ECT2L: variants seen among roughly 807,000 people sequenced by gnomAD.
ECT2L encodes the protein epithelial cell-transforming sequence 2 oncogene-like.
A neutral mutation model predicts 122.8 loss-of-function variants in ECT2L; 126 were observed. That is an observed-to-expected ratio of 1.03 (90% CI 0.89 to 1.19). The LOEUF is 1.19. Ranked by LOEUF, ECT2L falls within the 50% of genes most tolerant of loss-of-function variation. ECT2L has a pLI of 0.00. For synonymous variants in ECT2L, 385 were observed against 381.8 expected (o/e 1.01, Z -0.10); for missense variants, 1,012 against 1,064.1 (o/e 0.95, Z 0.68).
intron 9 of ECT2L, among the ~76,000 whole-genome samples, chr6:138,851,856 A>T (rs1374060383): frequency 6.6e-6 from 1 of 152,240 alleles, no homozygotes; most frequent in African/African-American, 2.4e-5. Flanking sequence ...AAATACCAAG[A>T]TCTATAAATT....
intron 7 of ECT2L, 41 bp from the exon 8 acceptor site, chr6:138,846,498 A>G: frequency 6.5e-7 from 1 of 1,540,280 alleles, no homozygotes; most frequent in Non-Finnish European, 8.7e-7. Context: ...ACTCAAGGTA[A>G]GAGAAAATGA....
At chr6:138,895,825 G>A (rs73559447) in intron 20 of ECT2L, among the ~76,000 whole-genome samples, 13,392 of 152,090 alleles carry the variant, frequency 0.088, 1,231 homozygotes, top group African/African-American at 0.23. Context: ...CACCCATCCT[G>A]GCCATGTGTG....
Position 138,822,712 on chromosome 6 carries a change from G to A in ECT2L, c.179+8109G>A, listed in dbSNP as rs796985091. On this transcript the variant is annotated intron_variant, in intron 4 of 21. Transcript: ENST00000541398. The stretch of plus-strand genomic sequence containing the variant: ...TCCCAGCGTGAGCGACGCAGAAGAC[G>A]GGTGATTTCTGCATTTCCATCTGAG... 41 of 1,555,556 alleles carry A rather than the reference G, an allele frequency of 2.6e-5. No homozygotes were observed. In the African/African-American group the frequency reaches 4.0e-4, roughly 15 times the overall value.
chr6:138,824,439 T>C (rs1197700915), intron 4 of ECT2L, among the ~76,000 whole-genome samples: 12 of 150,474 alleles, frequency 8.0e-5, no homozygotes, highest in Admixed American at 6.6e-4. Flanking sequence ...TGCATAATTT[T>C]AGTACTTGAA....
intron 14 of ECT2L, among the ~76,000 whole-genome samples, chr6:138,878,306 T>TATACACAC (rs139026623): frequency 0.03 from 4,530 of 150,256 alleles, 210 homozygotes; most frequent in African/African-American, 0.1. Context: ...CATATATATA[T>TATACACAC]ACACACACAC....
rs754609467 is a variant in ECT2L, at chr6:138,876,489, A to G, written c.1596A>G (p.Glu532=). Residue 532 remains glutamate, a synonymous_variant, in exon 14 of 22, where the codon GAA becomes GAG. Coordinates refer to ENST00000541398, the MANE Select transcript of ECT2L (RefSeq NM_001077706.3). The stretch of plus-strand genomic sequence containing the variant: ...ATCTTCAGGAAAGAAATGTTGTAGA[A>G]GACAATTCTTGGGACACAAAGTCCA... ...SKEDSERNVV[E]DNSWDTKSRL... is the part of the protein sequence containing the mutation. 1 of 1,611,796 alleles carries G rather than the reference A, an allele frequency of 6.2e-7. No individual in the cohort carries two copies. The highest frequency in any genetic ancestry group is 1.7e-5 in the Admixed American group (1 of 59,830).
intron 20 of ECT2L, among the ~76,000 whole-genome samples, chr6:138,900,629 C>T (rs17068003): frequency 0.056 from 8,464 of 152,242 alleles, 303 homozygotes; most frequent in Non-Finnish European, 0.078. Flanking sequence ...AACACAGATA[C>T]AAAGTAATTC....
intron 13 of ECT2L, among the ~76,000 whole-genome samples, chr6:138,869,799 C>G (rs1778183493): frequency 6.6e-6 from 1 of 152,222 alleles, no homozygotes; most frequent in Non-Finnish European, 1.5e-5. Flanking sequence ...ACTGCAGCCT[C>G]TCTCCCAGGC....
intron 14 of ECT2L, among the ~76,000 whole-genome samples, chr6:138,880,448 C>A (rs1052614180): frequency 6.6e-6 from 1 of 152,168 alleles, no homozygotes; most frequent in African/African-American, 2.4e-5. Context: ...ATTGGCTACA[C>A]CTGAATTTTG....
At chr6:138,873,415 G>T (rs946972724) in intron 13 of ECT2L, among the ~76,000 whole-genome samples, 3 of 152,114 alleles carry the variant, frequency 2.0e-5, no homozygotes, top group African/African-American at 7.2e-5. Flanking sequence ...TTACATTAGG[G>T]TTTATTTTTA....
At position 138,882,828 on chromosome 6, in the gene ECT2L, A is replaced by T. The variant is rs562537216; in HGVS notation, c.1985A>T (p.Asn662Ile). The change falls in exon 16 of 22, where the codon AAT becomes ATT. Residue 662 changes from asparagine to isoleucine, a missense_variant. Physicochemically the swap from Asn to Ile is moderately radical, Grantham distance 149. Transcript: ENST00000541398. ...GGAAGCCAGTTAAACACATATACCA[A>T]TTTCTTCAACAATTACCCTGTCATT... ...KFGSQLNTYT[N>I]FFNNYPVILK... 1.2e-6 allele frequency: 2 copies of T among 1,614,192 alleles called. No individual in the cohort carries two copies. The highest frequency in any genetic ancestry group is 2.2e-5 in the South Asian group (2 of 91,084).
chr6:138,818,277 T>C (rs1056540827), intron 4 of ECT2L, among the ~76,000 whole-genome samples: 8 of 152,138 alleles, frequency 5.3e-5, no homozygotes, highest in African/African-American at 1.9e-4. Flanking sequence ...AGAGCAGACT[T>C]GAAATGGGGT....
Position 138,811,736 on chromosome 6 carries a change from G to A in ECT2L, c.-243-1102G>A, listed in dbSNP as rs1437297504. 5.9e-5 allele frequency among the ~76,000 whole-genome samples: 9 copies of A among 152,154 alleles called. No individual in the cohort carries two copies. The East Asian group carries it at 1.3e-3, about 23-fold the overall frequency. ...TGATGGATGTCAGTGATGGAGTGCA[G>A]TGGCGCGATCATGGCTCACTACAAC... On this transcript the variant is annotated intron_variant, in intron 1 of 21. Transcript: ENST00000541398.
chr6:138,822,326 G>A (rs1024568696), intron 4 of ECT2L, among the ~76,000 whole-genome samples: 4 of 152,104 alleles, frequency 2.6e-5, no homozygotes, highest in South Asian at 2.1e-4. Context: ...GGCTGAGGTC[G>A]GCGGATCACT....
In ECT2L at chr6:138,810,590, C is replaced by T. The variant is rs957104389; in HGVS notation, c.-243-2248C>T. Among the ~76,000 whole-genome samples, 16 of 152,184 alleles carry T rather than the reference C, an allele frequency of 1.1e-4. 1 individual carries two copies. Among genetic ancestry groups the T allele is most frequent in the Admixed American group, 9.8e-4 (15 of 15,272 alleles). On this transcript the variant is annotated intron_variant, in intron 1 of 21. Coordinates refer to ENST00000541398, the MANE Select transcript of ECT2L (RefSeq NM_001077706.3). ...GAAGTTGACATTGTCAAGGGAATCC[C>T]TGGCATGGTCTAAAAGAGAATGTGA...
At chr6:138,829,078 G>A (rs1024722667) in intron 4 of ECT2L, among the ~76,000 whole-genome samples, 1 of 149,676 alleles carries the variant, frequency 6.7e-6, no homozygotes, top group South Asian at 2.1e-4. Flanking sequence ...GCGTGGTCTC[G>A]AACTCCTGGC....
chr6:138,899,385 G>T (rs1779321281), intron 20 of ECT2L, among the ~76,000 whole-genome samples: 1 of 152,000 alleles, frequency 6.6e-6, no homozygotes, highest in Non-Finnish European at 1.5e-5. Flanking sequence ...AAAAGAGTAG[G>T]GAAAATCTTA....
At chr6:138,825,248 G>A (rs796901202) in intron 4 of ECT2L, among the ~76,000 whole-genome samples, 20 of 152,252 alleles carry the variant, frequency 1.3e-4, no homozygotes, top group African/African-American at 4.6e-4. Flanking sequence ...TTCTTTGCCT[G>A]CTCAATACCA....
In ECT2L at chr6:138,902,548, G is replaced by A; in HGVS notation, c.2636G>A (p.Cys879Tyr). ...CAGGGTCCAAAATATAAATGGATTT[G>A]TGCTACAGAAATAGAGGATGATAAG... Reference protein sequence around the residue: ...ILQGPKYKWICATEIEDDKFL... With the variant: ...ILQGPKYKWIYATEIEDDKFL... Residue 879 changes from cysteine to tyrosine, a missense_variant, in exon 22 of 22, where the codon TGT (cysteine) becomes TAT (tyrosine). Physicochemically the swap from Cys to Tyr is radical, Grantham distance 194 (BLOSUM62 -2). Coordinates refer to ENST00000541398, the MANE Select transcript of ECT2L (RefSeq NM_001077706.3). 6.2e-7 allele frequency: 1 copy of A among 1,613,722 alleles called. No homozygotes were observed. The highest frequency in any genetic ancestry group is 8.5e-7 in the Non-Finnish European group (1 of 1,179,738).
Sources: allele counts gnomAD v4.1 joint callset (sites outside exome capture counted in the v4.1 genomes callset), GRCh38; gene constraint gnomAD v4.1.1; transcripts MANE v1.5; gene names NCBI Gene and HGNC (gene_info 2026-07-23, HGNC 2026-07-21).